Variants in LAMA5 observed in about 807,000 individuals in gnomAD.
LAMA5 encodes laminin subunit alpha 5.
In LAMA5, 260 loss-of-function variants were observed where a neutral mutation model predicts 433.4. That is an observed-to-expected ratio of 0.60 (90% CI 0.54 to 0.66). LAMA5 has a LOEUF of 0.66. Among genes scored for constraint, LAMA5 ranks in the 30% least tolerant of loss-of-function variants. The pLI is 0.00. For synonymous variants in LAMA5, 2,620 were observed against 2,226.6 expected (o/e 1.18, Z -4.97); for missense variants, 5,378 against 5,258.5 (o/e 1.02, Z -0.70).
chr20:62,366,797 G>A, intron 1 of LAMA5, 152 bp downstream of exon 1: 2 of 1,092,696 alleles, frequency 1.8e-6, no homozygotes, highest in East Asian at 3.2e-5. Context: ...CGGAGCGGCC[G>A]GGTCGGGGTG....
At chr20:62,339,698 A>T (rs1480285251) in intron 11 of LAMA5, among the ~76,000 whole-genome samples, 1 of 151,898 alleles carries the variant, frequency 6.6e-6, no homozygotes, top group Non-Finnish European at 1.5e-5. Flanking sequence ...GAACACAGAA[A>T]GAGAGCTTGC....
intron 18 of LAMA5, among the ~76,000 whole-genome samples, chr20:62,336,104 C>G (rs2146222392): frequency 6.8e-6 from 1 of 146,806 alleles, no homozygotes; most frequent in South Asian, 2.2e-4. Flanking sequence ...ACCCCCAATA[C>G]TCCCTCAGGG....
At chr20:62,353,333 C>T in intron 2 of LAMA5, 82 bp from the exon 3 acceptor site, 1 of 988,362 alleles carries the variant, frequency 1.0e-6, no homozygotes. Flanking sequence ...TTCTGCCCCT[C>T]AGGTGAGGCC....
Position 62,324,367 on chromosome 20 carries a change from C to G in LAMA5, c.5643+74G>C. ...CCTCAGTTGACCTGGAAGTGCAGCCCCTGGTCTTCCCTGGCACACTTGACT... is the reference window on the plus strand; with the variant it reads ...CCTCAGTTGACCTGGAAGTGCAGCCGCTGGTCTTCCCTGGCACACTTGACT... On this transcript the variant is annotated intron_variant, in intron 42 of 79. Transcript: ENST00000252999. The surrounding 1 kb of genome is among the most constrained non-coding windows in gnomAD (Gnocchi z 4.4). The G allele has an allele frequency of 7.0e-7, 1 of 1,426,334 alleles. No homozygotes were observed. The allele number at this position is 1,426,334 out of a possible 1,614,324, so 88.4% of individuals were successfully genotyped here.
intron 11 of LAMA5, among the ~76,000 whole-genome samples, chr20:62,341,556 C>T (rs1982589508): frequency 6.6e-6 from 1 of 152,140 alleles, no homozygotes; most frequent in South Asian, 2.1e-4. Context: ...TCATCGAATG[C>T]TTCCTGTGCA....
Position 62,326,872 on chromosome 20 carries a change from A to G in LAMA5, c.5207T>C (p.Val1736Ala). The G allele has an allele frequency of 6.2e-7, 1 of 1,610,682 alleles. No homozygotes were observed. The highest frequency in any genetic ancestry group is 1.1e-5 in the South Asian group (1 of 90,978). The part of the protein sequence containing the change: ...FVPMESRPDV[V>A]LQGNQMSITF... ...TCATCTCAGCTCCCTCACCTGCAGCACCACATCCGGCCTGCTCTCCATGGG... is the reference window on the plus strand; with the variant it reads ...TCATCTCAGCTCCCTCACCTGCAGCGCCACATCCGGCCTGCTCTCCATGGG... Residue 1736 changes from valine (V) to alanine (A), a missense_variant, in exon 39 of 80, where the codon GTG becomes GCG. Coordinates refer to ENST00000252999, the MANE Select transcript of LAMA5 (RefSeq NM_005560.6).
chr20:62,324,293 C>T lies in LAMA5; in HGVS notation c.5644-89G>A, dbSNP rs1601326548. On this transcript the variant is annotated intron_variant, in intron 42 of 79. Coordinates refer to ENST00000252999, the MANE Select transcript of LAMA5 (RefSeq NM_005560.6). This position sits in a 1 kb window ranked among gnomAD's most constrained non-coding sequence, Gnocchi z 4.4. ...GCTCCCACCACCCCTGCCTCAGACTCTGTGCCCAAGGCCAGATGGTCCCCC... is the reference window on the plus strand; with the variant it reads ...GCTCCCACCACCCCTGCCTCAGACTTTGTGCCCAAGGCCAGATGGTCCCCC... The T allele has an allele frequency of 6.5e-7, 1 of 1,527,628 alleles. No individual in the cohort carries two copies. Among genetic ancestry groups the T allele is most frequent in the East Asian group, 2.3e-5 (1 of 43,166 alleles). The allele number at this position is 1,527,628 out of a possible 1,614,324, so 94.6% of individuals were successfully genotyped here. A position where few individuals can be genotyped will look rare whatever the true frequency, so the allele number is the denominator to read the frequency against.
chr20:62,366,591 C>T (rs528086007), intron 1 of LAMA5, among the ~76,000 whole-genome samples: 1 of 152,346 alleles, frequency 6.6e-6, no homozygotes, highest in East Asian at 1.9e-4. Flanking sequence ...CGCCCCCTCC[C>T]CACCGGCAGC....
At position 62,362,409 on chromosome 20, in the gene LAMA5, G is replaced by A; in HGVS notation, c.441C>T (p.Asp147=). ...AAAGAAGGGTCCCTACCTGGCCCAG[G>A]TCCAGGGTGACGTTGACCTCGTTGT... ...LEYNEVNVTL[D]LGQVFHVAYV... The change falls in exon 2 of 80, where the codon GAC becomes GAT. Residue 147 remains aspartate (D), a synonymous_variant. Coordinates refer to ENST00000252999, the MANE Select transcript of LAMA5 (RefSeq NM_005560.6). 1.2e-5 allele frequency: 19 copies of A among 1,553,652 alleles called. No homozygotes were observed. Among genetic ancestry groups the A allele is most frequent in the Non-Finnish European group, 1.7e-5 (19 of 1,143,412 alleles).
chr20:62,354,926 C>G (rs560696643), intron 2 of LAMA5, among the ~76,000 whole-genome samples: 2 of 152,184 alleles, frequency 1.3e-5, no homozygotes, highest in African/African-American at 2.4e-5. Context: ...GGAGGAAACA[C>G]GAACCTCTCC....
In LAMA5 at chr20:62,330,507, G is replaced by A. The variant is rs138005426; in HGVS notation, c.3960C>T (p.Asn1320=). Residue 1320 remains asparagine, a synonymous_variant, in exon 31 of 80, where the codon AAC becomes AAT. Coordinates refer to ENST00000252999, the MANE Select transcript of LAMA5 (RefSeq NM_005560.6). ...HPTFPVEVLI[N]AGRVWQGHAN... The stretch of plus-strand genomic sequence containing the variant: ...ACTCACCCTGCCACACGCGGCCGGC[G>A]TTGATGAGGACTTCCACGGGGAAGG... The A allele has an allele frequency of 1.3e-5, 20 of 1,564,750 alleles. No homozygotes were observed. The highest frequency in any genetic ancestry group is 1.7e-4 in the Middle Eastern group (1 of 5,906).
rs181809897 is a variant in LAMA5 at position 62,339,120 on chromosome 20, G to A, written c.1478-512C>T. ...ACAAAGTCAGGCCAACTATCAAAAC[G>A]CTTCATTAGTTATTTCTTACGTAGA... is the stretch of plus-strand genomic sequence containing the variant. On this transcript the variant is annotated intron_variant, in intron 11 of 79. Coordinates refer to ENST00000252999, the MANE Select transcript of LAMA5 (RefSeq NM_005560.6). Among the ~76,000 whole-genome samples the A allele has an allele frequency of 2.4e-3, 365 of 151,644 alleles. 3 individuals carry two copies. The highest frequency in any genetic ancestry group is 1.7e-3 in the Admixed American group (26 of 15,222).
Position 62,310,723 on chromosome 20 carries a change from TG to T in LAMA5, c.10387del (p.Gln3463SerfsTer21). 6.3e-7 allele frequency: 1 copy of T among 1,595,148 alleles called. No homozygotes were observed. The stretch of plus-strand genomic sequence containing the variant: ...GCCGCCCACAAAGAGGGTGTGGGGC[TG>T]GGGGTGCTCTGCCCCCTGGTGCTGC... The part of the protein sequence containing the change: ...HRQHQGAEHP[Q>X]PHTLFVGGLP... On this transcript the variant is annotated frameshift_variant, in exon 75 of 80. Transcript: ENST00000252999. LOFTEE classifies it high-confidence loss of function.
Position 62,345,988 on chromosome 20 carries a change from T to C in LAMA5, c.1417+93A>G, listed in dbSNP as rs4925386. 1,047,272 of 1,582,194 alleles carry C rather than the reference T, an allele frequency of 0.66. 354,759 individuals carry two copies. The highest frequency in any genetic ancestry group is 0.78 in the East Asian group (34,560 of 44,350). Reference sequence around the variant, plus strand: ...AATCGGAGATGCAGGCAGGATAACATGGTCCATCCCGGGGAACCCCTCCAC... The same window carrying C: ...AATCGGAGATGCAGGCAGGATAACACGGTCCATCCCGGGGAACCCCTCCAC... On this transcript the variant is annotated intron_variant, in intron 10 of 79. Coordinates refer to ENST00000252999, the MANE Select transcript of LAMA5 (RefSeq NM_005560.6).
Position 62,333,907 on chromosome 20 carries a change from C to G in LAMA5, c.2872G>C (p.Ala958Pro). 6.3e-7 allele frequency: 1 copy of G among 1,592,534 alleles called. No homozygotes were observed. Residue 958 changes from alanine to proline, a missense_variant, in exon 23 of 80, where the codon GCC becomes CCC. By Grantham distance (27) the Ala-to-Pro change is conservative. Transcript: ENST00000252999. ...VREEGRSATCANCTAQSQPVA... is the reference protein window; with the variant it reads ...VREEGRSATCPNCTAQSQPVA... ...GCCCAGGGACCCCACTCACAGTTGG[C>G]GCAGGTGGCCGACCTGCCCTCCTCT...
At position 62,329,889 on chromosome 20, in the gene LAMA5, T is replaced by A; in HGVS notation, c.4007A>T (p.His1336Leu). ...QGHANASFCPHGYGCRTLVVC... is the reference protein window; with the variant it reads ...QGHANASFCPLGYGCRTLVVC... Reference sequence around the variant, plus strand: ...CACCAGGGTGCGGCAGCCGTAGCCATGTGGACAGAAGCTGGCGTTGGCGTG... The same window carrying A: ...CACCAGGGTGCGGCAGCCGTAGCCAAGTGGACAGAAGCTGGCGTTGGCGTG... Residue 1336 changes from histidine to leucine, a missense_variant, in exon 32 of 80, where the codon CAT (histidine) becomes CTT (leucine). His to Leu is a moderately conservative substitution (Grantham distance 99). Coordinates refer to ENST00000252999, the MANE Select transcript of LAMA5 (RefSeq NM_005560.6). The A allele has an allele frequency of 6.2e-7, 1 of 1,612,056 alleles. No individual in the cohort carries two copies. Among genetic ancestry groups the A allele is most frequent in the Non-Finnish European group, 8.5e-7 (1 of 1,179,780 alleles).
intron 3 of LAMA5, among the ~76,000 whole-genome samples, chr20:62,352,773 G>A (rs371566672): frequency 3.5e-4 from 54 of 152,144 alleles, no homozygotes; most frequent in Non-Finnish European, 3.8e-4. Context: ...GCCAGCATCC[G>A]GGCTAGGACT....
At chr20:62,335,940 G>A (rs1457021606) in intron 18 of LAMA5, among the ~76,000 whole-genome samples, 3 of 132,468 alleles carry the variant, frequency 2.3e-5, no homozygotes, top group South Asian at 2.5e-4. Flanking sequence ...ACTCCCTCCA[G>A]GACACACTCA....
intron 16 of LAMA5, 123 bp downstream of exon 16, chr20:62,337,467 G>A (rs1981857595): frequency 1.0e-5 from 13 of 1,303,092 alleles, no homozygotes; most frequent in South Asian, 1.4e-5. Context: ...GCGTGGGGAC[G>A]CAGTCGCAGT....
Sources: gnomAD v4.1 joint callset for allele counts (sites outside exome capture counted in the v4.1 genomes callset) on GRCh38, gnomAD v4.1.1 for gene constraint, Gnocchi (gnomAD v3.1) non-coding constraint, MANE v1.5 for transcripts, NCBI Gene and HGNC (gene_info 2026-07-23, HGNC 2026-07-21) for gene names.